Variants in KIAA0513 observed in about 807,000 individuals in gnomAD.
KIAA0513 encodes uncharacterized protein KIAA0513.
KIAA0513 carries 39 observed loss-of-function variants against 56.5 expected under a neutral mutation model. The observed-to-expected ratio is 0.69, with a 90% CI of 0.53 to 0.90. The LOEUF (loss-of-function observed/expected upper bound fraction) is 0.90, where lower values mean the gene tolerates loss of function less well. KIAA0513 is among the 40% of genes least tolerant of loss of function. The pLI is 0.00. For missense variants in KIAA0513, 591 were observed against 535.2 expected, an observed-to-expected ratio of 1.10 and a Z score of -1.03; for synonymous variants, 268 against 215.6, an observed-to-expected ratio of 1.24 and a Z score of -2.13.
At chr16:85,046,936 A>C (rs8044678) in intron 1 of KIAA0513, among the ~76,000 whole-genome samples, 70,603 of 152,024 alleles carry the variant, frequency 0.46, 17,827 homozygotes, top group African/African-American at 0.68. Flanking sequence ...CTCAGATAAG[A>C]TGTTGATCAT....
intron 1 of KIAA0513, among the ~76,000 whole-genome samples, chr16:85,043,844 C>T (rs1404090423): frequency 2.0e-5 from 3 of 152,132 alleles, no homozygotes; most frequent in Non-Finnish European, 4.4e-5. Context: ...ACCAGCCTGA[C>T]CAACAAGGAG....
rs540830429 is a variant in KIAA0513 at position 85,067,471 on chromosome 16, G to A, written c.329+71G>A. On this transcript the variant is annotated intron_variant, in intron 2 of 12. Transcript: ENST00000683363. ...CCAAGGGGACTCGCCTCCTGCTCTC[G>A]GCTCTGCCTCTCCCCAGGGTGCCAC... 949 of 1,262,130 alleles carry A rather than the reference G, an allele frequency of 7.5e-4. 8 individuals carry two copies. Among genetic ancestry groups the A allele is most frequent in the Non-Finnish European group, 2.7e-4 (244 of 915,656 alleles). 78.2% of individuals were successfully genotyped at this position (1,262,130 alleles called of 1,614,324 possible). A position where few individuals can be genotyped will look rare whatever the true frequency, so the allele number is the denominator to read the frequency against.
rs1016844351 is a variant in KIAA0513 at position 85,091,571 on chromosome 16, A to T, written c.*3246A>T. On this transcript the variant is annotated 3_prime_UTR_variant, in exon 13 of 13. Coordinates refer to ENST00000683363, the MANE Select transcript of KIAA0513 (RefSeq NM_001388359.1). ...GTTCAGGTTAATCCAAGCAACACGC[A>T]TTGGGTTTAAAACCAGCACCGAGGC... 1 of 152,196 alleles carries T rather than the reference A, an allele frequency of 6.6e-6. No homozygotes were observed. Among genetic ancestry groups the T allele is most frequent in the South Asian group, 2.1e-4 (1 of 4,830 alleles). The allele number at this position is 152,196 out of a possible 1,614,324, so 9.4% of individuals were successfully genotyped here. A position where few individuals can be genotyped will look rare whatever the true frequency, so the allele number is the denominator to read the frequency against.
intron 1 of KIAA0513, chr16:85,063,609 GC>G (rs1026870490): frequency 9.2e-5 from 14 of 152,222 alleles, no homozygotes; most frequent in Non-Finnish European, 2.1e-4. Flanking sequence ...GAGAGACATG[GC>G]CCTGCTACTG....
intron 1 of KIAA0513, among the ~76,000 whole-genome samples, chr16:85,036,732 C>A (rs1597588886): frequency 6.6e-6 from 1 of 152,282 alleles, no homozygotes; most frequent in Non-Finnish European, 1.5e-5. Flanking sequence ...TCCAGGGGAC[C>A]ACATTGCATG....
At chr16:85,078,129 C>T (rs539302879) in intron 6 of KIAA0513, among the ~76,000 whole-genome samples, 1 of 152,162 alleles carries the variant, frequency 6.6e-6, no homozygotes, top group Non-Finnish European at 1.5e-5. Context: ...CCCGGGGTCC[C>T]CTGTTCCCAC....
chr16:85,082,446 T>C, intron 9 of KIAA0513, 118 bp from the exon 10 acceptor site: 1 of 941,056 alleles, frequency 1.1e-6, no homozygotes, highest in Non-Finnish European at 1.7e-6. Flanking sequence ...TGTCTTTCTC[T>C]GTCCCGCTCC....
intron 3 of KIAA0513, 69 bp downstream of exon 3, chr16:85,071,951 T>C: frequency 9.5e-7 from 1 of 1,052,956 alleles, no homozygotes; most frequent in Non-Finnish European, 1.5e-6. Context: ...CATAACAAAT[T>C]TGACTTTATC....
rs752052968 is a variant in KIAA0513, at chr16:85,077,578, GCTT to G, written c.733_735del (p.Phe245del). On this transcript the variant is annotated inframe_deletion, in exon 6 of 13. Transcript: ENST00000683363. Reference sequence around the variant, plus strand: ...TCGGCCAGGACTGAGAATGTCAAGGGCTTCTTCGGGGGGCTGGAGACCAAGCTG... The same window carrying G: ...TCGGCCAGGACTGAGAATGTCAAGGGCTTCGGGGGGCTGGAGACCAAGCTG... The G allele has an allele frequency of 1.9e-6, 3 of 1,614,138 alleles. No individual in the cohort carries two copies. In the East Asian group the frequency reaches 6.7e-5, roughly 36 times the overall value.
chr16:85,078,579 A>T (rs749195227), intron 7 of KIAA0513, 124 bp downstream of exon 7: 2 of 886,378 alleles, frequency 2.3e-6, no homozygotes, highest in Non-Finnish European at 3.5e-6. Context: ...GCCCTGGGTG[A>T]TGCCCCAGTT....
Position 85,092,834 on chromosome 16 carries a change from A to G in KIAA0513, c.*4509A>G, listed in dbSNP as rs2144132196. ...CTTCCCGGAGCCACACAGGCCACGC[A>G]CCCCAGGAACCCTTGCTGCCGCGGG... On this transcript the variant is annotated 3_prime_UTR_variant, in exon 13 of 13. Transcript: ENST00000683363. 1 of 152,410 alleles carries G rather than the reference A, an allele frequency of 6.6e-6. No homozygotes were observed. Among genetic ancestry groups the G allele is most frequent in the East Asian group, 1.9e-4 (1 of 5,164 alleles). 9.4% of individuals were successfully genotyped at this position (152,410 alleles called of 1,614,324 possible).
chr16:85,060,889 C>T (rs1416276322), intron 1 of KIAA0513, among the ~76,000 whole-genome samples: 1 of 151,048 alleles, frequency 6.6e-6, no homozygotes, highest in Admixed American at 6.6e-5. Flanking sequence ...CCCAGTGGCT[C>T]ACACCTGTAA....
At chr16:85,043,768 C>T (rs1249214725) in intron 1 of KIAA0513, among the ~76,000 whole-genome samples, 5 of 152,152 alleles carry the variant, frequency 3.3e-5, no homozygotes, top group African/African-American at 1.2e-4. Context: ...CGCGGTGGCC[C>T]ACGCCTGTAA....
intron 1 of KIAA0513, among the ~76,000 whole-genome samples, chr16:85,031,933 G>A (rs1319770255): frequency 6.6e-6 from 1 of 152,186 alleles, no homozygotes; most frequent in African/African-American, 2.4e-5. Flanking sequence ...GCGGACCACT[G>A]GGCAAGAGAA....
chr16:85,079,879 C>A (rs1007659760), intron 8 of KIAA0513: 1 of 152,268 alleles, frequency 6.6e-6, no homozygotes, highest in Non-Finnish European at 1.5e-5. Flanking sequence ...GAAATCTTGG[C>A]CGCCCTGGCA....
chr16:85,069,360 G>A (rs1165589577), intron 2 of KIAA0513, among the ~76,000 whole-genome samples: 2 of 152,084 alleles, frequency 1.3e-5, no homozygotes, highest in Admixed American at 6.6e-5. Context: ...ACAGCAGTGC[G>A]CCACTATACT....
At chr16:85,086,935 A>T in intron 11 of KIAA0513, 137 bp from the exon 12 acceptor site, 1 of 884,786 alleles carries the variant, frequency 1.1e-6, no homozygotes, top group Non-Finnish European at 1.8e-6. Context: ...CTGGTGGCTA[A>T]TTAGGCAGCA....
At position 85,085,875 on chromosome 16, in the gene KIAA0513, G is replaced by C. The variant is rs1346756343; in HGVS notation, c.1011-769G>C. On this transcript the variant is annotated intron_variant, in intron 10 of 12. Coordinates refer to ENST00000683363, the MANE Select transcript of KIAA0513 (RefSeq NM_001388359.1). ...ACCTCGGCCGATGCCGTCTTACTGG[G>C]TTTTCAGCACTTTGTTCTCACGCCT... Among the ~76,000 whole-genome samples, 4 of 152,214 alleles carry C rather than the reference G, an allele frequency of 2.6e-5. No individual in the cohort carries two copies. In the East Asian group the frequency reaches 7.7e-4, roughly 29 times the overall value.
At chr16:85,082,241 G>T (rs1263684466) in intron 9 of KIAA0513, among the ~76,000 whole-genome samples, 1 of 152,146 alleles carries the variant, frequency 6.6e-6, no homozygotes, top group East Asian at 1.9e-4. Flanking sequence ...CTGGAGCATT[G>T]TGCCATGGCC....
Sources: gnomAD v4.1 joint callset for allele counts (sites outside exome capture counted in the v4.1 genomes callset) on GRCh38, gnomAD v4.1.1 for gene constraint, MANE v1.5 for transcripts, NCBI Gene and HGNC (gene_info 2026-07-23, HGNC 2026-07-21) for gene names.